The following ACTR1A variants were observed in gnomAD, a reference collection of about 807,000 sequenced individuals.
ACTR1A encodes alpha-centractin.
Under a neutral mutation model 50.7 loss-of-function variants are expected in ACTR1A, and 10 were observed. The ratio of observed to expected loss-of-function variants is 0.20; its 90% CI spans 0.12 to 0.33. ACTR1A has a LOEUF of 0.33. Among genes scored for constraint, ACTR1A ranks in the 10% least tolerant of loss-of-function variants. The probability of loss-of-function intolerance (pLI) is 1.00; values close to 1 mark genes in which losing one functional copy is unlikely to be tolerated. For missense variants in ACTR1A, 253 were observed against 491.7 expected, an observed-to-expected ratio of 0.51 and a Z score of 4.59; for synonymous variants, 177 against 184.2, an observed-to-expected ratio of 0.96 and a Z score of 0.32.
intron 1 of ACTR1A, 81 bp downstream of exon 1, chr10:102,502,519 G>A (rs1168642421): frequency 2.1e-5 from 32 of 1,502,140 alleles, no homozygotes; most frequent in Non-Finnish European, 3.0e-5. Context: ...AAGAGCCGGC[G>A]GCTCAGGCTG....
chr10:102,488,326 C>A lies in ACTR1A; in HGVS notation c.190-51G>T, dbSNP rs545125434. 1.9e-6 allele frequency: 3 copies of A among 1,597,904 alleles called. No homozygotes were observed. The highest frequency in any genetic ancestry group is 1.1e-5 in the South Asian group (1 of 90,688). ...ACTGCAGTCAGGCTCCACCCAGGACCCTGTTCTCCCAAGACTAAGCAGTGC... is the reference window on the plus strand; with the variant it reads ...ACTGCAGTCAGGCTCCACCCAGGACACTGTTCTCCCAAGACTAAGCAGTGC... On this transcript the variant is annotated intron_variant, in intron 3 of 10. Coordinates refer to ENST00000369905, the MANE Select transcript of ACTR1A (RefSeq NM_005736.4). This position sits in a 1 kb window ranked among gnomAD's most constrained non-coding sequence, Gnocchi z 4.4.
At chr10:102,492,462 C>A (rs998740950) in intron 1 of ACTR1A, among the ~76,000 whole-genome samples, 1 of 152,146 alleles carries the variant, frequency 6.6e-6, no homozygotes, top group Non-Finnish European at 1.5e-5. Context: ...CTGGGGCAAG[C>A]CTTTTCCTGC....
Position 102,482,806 on chromosome 10 carries a change from CATA to C in ACTR1A, c.750+202_750+204del, listed in dbSNP as rs1257694782. On this transcript the variant is annotated intron_variant, in intron 7 of 10. Transcript: ENST00000369905. This position sits in a 1 kb window ranked among gnomAD's most constrained non-coding sequence, Gnocchi z 5.6. ...AAAAAAAAAAATTGCAAAAGAATCT[CATA>C]ATGTTTTAAGAAAGTTTACGACTTT... 8.7e-6 allele frequency: 5 copies of C among 572,174 alleles called. No homozygotes were observed. The Admixed American group carries it at 1.5e-4, about 17-fold the overall frequency. The allele number at this position is 572,174 out of a possible 1,614,324, so 35.4% of individuals were successfully genotyped here.
intron 4 of ACTR1A, among the ~76,000 whole-genome samples, chr10:102,487,635 T>C (rs960170067): frequency 6.7e-6 from 1 of 149,516 alleles, no homozygotes; most frequent in Admixed American, 6.6e-5. Context: ...GCTTTTCTTT[T>C]TTTTTTTTTT....
intron 6 of ACTR1A, chr10:102,483,933 C>T: frequency 1.8e-6 from 1 of 569,294 alleles, no homozygotes; most frequent in Non-Finnish European, 3.2e-6. Context: ...GTAGCCATCA[C>T]CCAACTGAAG....
Position 102,482,259 on chromosome 10 carries a change from C to T in ACTR1A, c.751-84G>A, listed in dbSNP as rs889301979. ...TGGGAATGGAAGACGCCCCTCTGCA[C>T]GTCACTTAGTAACTGGGTGGCTATG... is the stretch of plus-strand genomic sequence containing the variant. On this transcript the variant is annotated intron_variant, in intron 7 of 10. Coordinates refer to ENST00000369905, the MANE Select transcript of ACTR1A (RefSeq NM_005736.4). This position sits in a 1 kb window ranked among gnomAD's most constrained non-coding sequence, Gnocchi z 5.6. 34 of 1,337,304 alleles carry T rather than the reference C, an allele frequency of 2.5e-5. No individual in the cohort carries two copies. The highest frequency in any genetic ancestry group is 5.4e-5 in the Admixed American group (3 of 55,160). The allele number at this position is 1,337,304 out of a possible 1,614,324, so 82.8% of individuals were successfully genotyped here.
At chr10:102,487,445 T>TG (rs966012333) in intron 4 of ACTR1A, among the ~76,000 whole-genome samples, 1 of 151,454 alleles carries the variant, frequency 6.6e-6, no homozygotes, top group East Asian at 1.9e-4. Flanking sequence ...CCGGGCATGG[T>TG]GGGGGGTGGG....
chr10:102,481,926 G>T (rs2296580), intron 8 of ACTR1A, 28 bp from the exon 9 acceptor site: 445,952 of 1,613,190 alleles, frequency 0.28, 64,632 homozygotes, highest in South Asian at 0.33. Flanking sequence ...AGAACTTCAA[G>T]TCAATTCTCA....
intron 1 of ACTR1A, among the ~76,000 whole-genome samples, chr10:102,492,772 C>T (rs1031517505): frequency 2.0e-5 from 3 of 151,956 alleles, no homozygotes; most frequent in South Asian, 4.1e-4. Context: ...GAGGCCGAAG[C>T]GGGGCAGATC....
At chr10:102,484,442 T>C (rs2062157584) in intron 5 of ACTR1A, 66 bp from the exon 6 acceptor site, 3 of 1,368,590 alleles carry the variant, frequency 2.2e-6, no homozygotes, top group Non-Finnish European at 3.1e-6. Context: ...TACACTTCTT[T>C]ATTTAGGGTT....
Position 102,479,974 on chromosome 10 carries a change from T to G in ACTR1A, c.*889A>C, listed in dbSNP as rs1196439709. Reference sequence around the variant, plus strand: ...TGGACACTGTCAGCTCACCATCAGCTGGGAGAGGTGGGGCCCTGGAGGCTA... The same window carrying G: ...TGGACACTGTCAGCTCACCATCAGCGGGGAGAGGTGGGGCCCTGGAGGCTA... On this transcript the variant is annotated 3_prime_UTR_variant, in exon 11 of 11. Coordinates refer to ENST00000369905, the MANE Select transcript of ACTR1A (RefSeq NM_005736.4). The surrounding 1 kb of genome is among the most constrained non-coding windows in gnomAD (Gnocchi z 4.0). 1 of 236,994 alleles carries G rather than the reference T, an allele frequency of 4.2e-6. No homozygotes were observed. Among genetic ancestry groups the G allele is most frequent in the East Asian group, 1.0e-4 (1 of 9,536 alleles). 14.7% of individuals were successfully genotyped at this position (236,994 alleles called of 1,614,324 possible).
intron 6 of ACTR1A, chr10:102,483,335 G>A (rs2062152644): frequency 2.1e-6 from 1 of 482,672 alleles, no homozygotes; most frequent in Admixed American, 3.5e-5. Context: ...GGCAAGCTTG[G>A]AAACTTGGCC....
intron 1 of ACTR1A, among the ~76,000 whole-genome samples, chr10:102,500,543 T>A (rs934567991): frequency 1.3e-5 from 2 of 151,884 alleles, no homozygotes; most frequent in South Asian, 2.1e-4. Context: ...CACTCCAGCC[T>A]GGGCGACAGT....
intron 1 of ACTR1A, among the ~76,000 whole-genome samples, chr10:102,493,024 AG>A (rs1223546573): frequency 3.3e-5 from 5 of 149,982 alleles, no homozygotes; most frequent in African/African-American, 1.2e-4. Context: ...AAAAAAAAAA[AG>A]AAGTGGTTGA....
chr10:102,479,753 T>G lies in ACTR1A; in HGVS notation c.*1110A>C. Reference sequence around the variant, plus strand: ...GGTAAATTGCAGCTTTCTCCAGTCTTAAGGGCACTGGCTCTCCAACACCCC... The same window carrying G: ...GGTAAATTGCAGCTTTCTCCAGTCTGAAGGGCACTGGCTCTCCAACACCCC... On this transcript the variant is annotated 3_prime_UTR_variant, in exon 11 of 11. Coordinates refer to ENST00000369905, the MANE Select transcript of ACTR1A (RefSeq NM_005736.4). The surrounding 1 kb of genome is among the most constrained non-coding windows in gnomAD (Gnocchi z 4.0). 1 of 1,151,244 alleles carries G rather than the reference T, an allele frequency of 8.7e-7. No homozygotes were observed. The highest frequency in any genetic ancestry group is 1.1e-6 in the Non-Finnish European group (1 of 871,434). 71.3% of individuals were successfully genotyped at this position (1,151,244 alleles called of 1,614,324 possible).
At chr10:102,502,507 CAAAG>C in intron 1 of ACTR1A, 89 bp downstream of exon 1, 2 of 1,430,396 alleles carry the variant, frequency 1.4e-6, no homozygotes, top group Non-Finnish European at 2.0e-6. Context: ...GGGCCAGTGA[CAAAG>C]AGCCGGCGGC....
rs550045955 is a variant in ACTR1A, at chr10:102,479,233, G to A, written c.*1630C>T. On this transcript the variant is annotated 3_prime_UTR_variant, in exon 11 of 11. Coordinates refer to ENST00000369905, the MANE Select transcript of ACTR1A (RefSeq NM_005736.4). The surrounding 1 kb of genome is among the most constrained non-coding windows in gnomAD (Gnocchi z 4.0). ...ACAGACAGATAGAGGCCCAGCTGAC[G>A]TGTCTATCGGAACGACTTTATTTCA... 125 of 826,312 alleles carry A rather than the reference G, an allele frequency of 1.5e-4. 1 individual carries two copies. In the South Asian group the frequency reaches 1.7e-3, roughly 12 times the overall value. 51.2% of individuals were successfully genotyped at this position (826,312 alleles called of 1,614,324 possible).
At chr10:102,490,678 A>T in intron 1 of ACTR1A, 65 bp from the exon 2 acceptor site, 2 of 1,287,698 alleles carry the variant, frequency 1.6e-6, no homozygotes, top group Non-Finnish European at 2.2e-6. Context: ...AAAATACATT[A>T]TATGGTACCA....
At chr10:102,493,041 A>AGAGAAAGT (rs1450434043) in intron 1 of ACTR1A, among the ~76,000 whole-genome samples, 4 of 147,842 alleles carry the variant, frequency 2.7e-5, no homozygotes, top group Admixed American at 1.4e-4. Context: ...GTTGAAGGGC[A>AGAGAAAGT]GAGAAAGTGG....
Sources: gnomAD v4.1 joint callset for allele counts (sites outside exome capture counted in the v4.1 genomes callset) on GRCh38, gnomAD v4.1.1 for gene constraint, Gnocchi (gnomAD v3.1) non-coding constraint, MANE v1.5 for transcripts, NCBI Gene and HGNC (gene_info 2026-07-23, HGNC 2026-07-21) for gene names.